The following GSTO2 variants were observed in gnomAD, a reference collection of about 807,000 sequenced individuals.
The protein encoded by GSTO2 is glutathione S-transferase omega 2.
Under a neutral mutation model 28.4 loss-of-function variants are expected in GSTO2, and 23 were observed. The observed-to-expected ratio is 0.81, with a 90% CI of 0.58 to 1.15. The LOEUF (loss-of-function observed/expected upper bound fraction) is 1.15, where lower values mean the gene tolerates loss of function less well. Among genes scored for constraint, GSTO2 ranks in the 50% most tolerant of loss-of-function variants. The pLI, the probability that GSTO2 is intolerant of heterozygous loss-of-function variation, is 0.00. For missense variants in GSTO2, 298 were observed against 297.8 expected, an observed-to-expected ratio of 1.00 and a Z score of 0.00; for synonymous variants, 109 against 111.0, an observed-to-expected ratio of 0.98 and a Z score of 0.11.
intron 3 of GSTO2, 136 bp downstream of exon 3, chr10:104,275,470 A>C: frequency 4.2e-6 from 3 of 710,114 alleles, no homozygotes; most frequent in Non-Finnish European, 4.6e-6. Context: ...AAGTCAACAA[A>C]TAGCAAAGGG....
At position 104,274,924 on chromosome 10, in the gene GSTO2, GGAT is replaced by G. The variant is rs1172701714; in HGVS notation, c.11_13del (p.Asp4del). 1 of 1,609,884 alleles carries G rather than the reference GGAT, an allele frequency of 6.2e-7. No homozygotes were observed. Among genetic ancestry groups the G allele is most frequent in the African/African-American group, 1.3e-5 (1 of 74,692 alleles). On this transcript the variant is annotated inframe_deletion, in exon 2 of 7. Transcript: ENST00000338595. ...CAAACCACCTGGAGACCATGTCTGG[GGAT>G]GCGACCAGGACCCTGGGGAAAGGTG...
At chr10:104,285,394 G>A (rs1427921975) in intron 5 of GSTO2, among the ~76,000 whole-genome samples, 7 of 151,976 alleles carry the variant, frequency 4.6e-5, no homozygotes, top group African/African-American at 1.7e-4. Context: ...TCAGCCTCCC[G>A]AGTAGCTGGG....
intron 3 of GSTO2, among the ~76,000 whole-genome samples, chr10:104,276,126 C>T (rs763499929): frequency 1.6e-4 from 24 of 152,124 alleles, no homozygotes; most frequent in African/African-American, 5.3e-4. Flanking sequence ...ACTCTTGTCT[C>T]GGAGAGTCCA....
intron 5 of GSTO2, among the ~76,000 whole-genome samples, chr10:104,280,320 A>G (rs2011958523): frequency 6.6e-6 from 1 of 152,156 alleles, no homozygotes; most frequent in African/African-American, 2.4e-5. Flanking sequence ...TCCTCAAAAT[A>G]ACAAGATAGC....
rs2013323219 is a variant in GSTO2 at position 104,303,609 on chromosome 10, A to G, written c.*4325A>G. 4 of 152,352 alleles carry G rather than the reference A, an allele frequency of 2.6e-5. No homozygotes were observed. In the South Asian group the frequency reaches 8.3e-4, roughly 32 times the overall value. The allele number at this position is 152,352 out of a possible 1,614,324, so 9.4% of individuals were successfully genotyped here. A position where few individuals can be genotyped will look rare whatever the true frequency, so the allele number is the denominator to read the frequency against. On this transcript the variant is annotated 3_prime_UTR_variant, in exon 7 of 7. Transcript: ENST00000338595. The stretch of plus-strand genomic sequence containing the variant: ...GTAAAAGTTTGGAGAATTTGCAGCC[A>G]GCTATGTGGTAGAAAAGAAGAGCCC...
chr10:104,298,984 T>C (rs769260962), intron 6 of GSTO2, 144 bp from the exon 7 acceptor site: 4 of 692,400 alleles, frequency 5.8e-6, no homozygotes, highest in Non-Finnish European at 6.7e-6. Context: ...CAGTAAGTTA[T>C]CATTCTCACT....
chr10:104,293,289 T>C (rs2012860305), intron 5 of GSTO2, among the ~76,000 whole-genome samples: 1 of 152,184 alleles, frequency 6.6e-6, no homozygotes, highest in African/African-American at 2.4e-5. Flanking sequence ...TTCTGTTACT[T>C]AAATTTAAAG....
chr10:104,295,686 A>G (rs1213677093), intron 5 of GSTO2: 1 of 152,246 alleles, frequency 6.6e-6, no homozygotes, highest in African/African-American at 2.4e-5. Context: ...TCAGAGGTCA[A>G]GCTCAGCACA....
intron 5 of GSTO2, among the ~76,000 whole-genome samples, chr10:104,287,566 A>G (rs2135124369): frequency 6.6e-6 from 1 of 152,226 alleles, no homozygotes; most frequent in East Asian, 1.9e-4. Flanking sequence ...TTGCCTAGAA[A>G]TATTAAATGA....
At chr10:104,283,635 T>C (rs1182788435) in intron 5 of GSTO2, among the ~76,000 whole-genome samples, 1 of 151,978 alleles carries the variant, frequency 6.6e-6, no homozygotes, top group Non-Finnish European at 1.5e-5. Flanking sequence ...CAAAAACAAA[T>C]AAACAAAGAA....
chr10:104,298,662 G>C (rs1470027898), intron 6 of GSTO2, among the ~76,000 whole-genome samples: 1 of 152,048 alleles, frequency 6.6e-6, no homozygotes, highest in African/African-American at 2.4e-5. Flanking sequence ...ATGACTTCAA[G>C]GTTTCATCCT....
intron 5 of GSTO2, among the ~76,000 whole-genome samples, chr10:104,290,978 TGCCTG>T (rs2012739046): frequency 6.6e-6 from 1 of 152,218 alleles, no homozygotes; most frequent in Non-Finnish European, 1.5e-5. Flanking sequence ...GCATACTGCA[TGCCTG>T]GACCAAAATA....
intron 5 of GSTO2, among the ~76,000 whole-genome samples, chr10:104,289,520 G>A (rs1276960602): frequency 2.6e-5 from 4 of 152,134 alleles, no homozygotes; most frequent in African/African-American, 9.7e-5. Context: ...GAGAATCTAG[G>A]TCATAACTGA....
At chr10:104,297,772 GT>G (rs1369842984) in intron 6 of GSTO2, 88 bp downstream of exon 6, 1 of 825,582 alleles carries the variant, frequency 1.2e-6, no homozygotes, top group Non-Finnish European at 2.0e-6. Flanking sequence ...CTGTAGACAT[GT>G]TTCAGGATGT....
chr10:104,296,539 C>T (rs1437592727), intron 5 of GSTO2: 1 of 149,420 alleles, frequency 6.7e-6, no homozygotes, highest in Non-Finnish European at 1.5e-5. Flanking sequence ...TGCTTGAGCC[C>T]GGGAGGTTGA....
At chr10:104,272,198 A>G (rs189233399) in intron 1 of GSTO2, among the ~76,000 whole-genome samples, 75 of 151,900 alleles carry the variant, frequency 4.9e-4, no homozygotes, top group African/African-American at 1.7e-3. Context: ...TTTCTGCTCA[A>G]TTTTGCTGTG....
chr10:104,270,804 T>C (rs1245188528), intron 1 of GSTO2, among the ~76,000 whole-genome samples: 4 of 152,230 alleles, frequency 2.6e-5, no homozygotes. Flanking sequence ...ACAAAAAATT[T>C]TGAAAAGTTG....
intron 3 of GSTO2, among the ~76,000 whole-genome samples, chr10:104,275,767 A>C (rs992565823): frequency 6.6e-6 from 1 of 151,888 alleles, no homozygotes. Context: ...TCCCCTCCCC[A>C]GTCCCCTTCA....
In GSTO2 at chr10:104,275,374, G is replaced by A. The variant is rs7923376; in HGVS notation, c.143+40G>A. On this transcript the variant is annotated intron_variant, in intron 3 of 6. Coordinates refer to ENST00000338595, the MANE Select transcript of GSTO2 (RefSeq NM_183239.2). Reference sequence around the variant, plus strand: ...CCCAGAGCCCCCGAGCAAACCCAGCGCCTCACAGGAGCCCGGGAATGTTTA... The same window carrying A: ...CCCAGAGCCCCCGAGCAAACCCAGCACCTCACAGGAGCCCGGGAATGTTTA... The A allele has an allele frequency of 0.014, 22,323 of 1,587,728 alleles. 2,563 individuals are homozygous for A. In the African/African-American group the frequency reaches 0.26, roughly 18 times the overall value.
Sources: allele counts gnomAD v4.1 joint callset (sites outside exome capture counted in the v4.1 genomes callset), GRCh38; gene constraint gnomAD v4.1.1; transcripts MANE v1.5; gene names NCBI Gene and HGNC (gene_info 2026-07-23, HGNC 2026-07-21).